VAV2: variants seen among roughly 807,000 people sequenced by gnomAD.
The protein encoded by VAV2 is vav guanine nucleotide exchange factor 2.
Under a neutral mutation model 132.5 loss-of-function variants are expected in VAV2, and 67 were observed. The observed-to-expected ratio is 0.51, with a 90% CI of 0.42 to 0.62. VAV2 has a LOEUF of 0.62. VAV2 is among the 20% of genes least tolerant of loss of function. The pLI, the probability that VAV2 is intolerant of heterozygous loss-of-function variation, is 0.00. For synonymous variants in VAV2, 492 were observed against 443.5 expected, an observed-to-expected ratio of 1.11 and a Z score of -1.37; for missense variants, 938 against 1,153.6, an observed-to-expected ratio of 0.81 and a Z score of 2.71.
At chr9:133,984,872 C>T (rs1842801998) in intron 1 of VAV2, among the ~76,000 whole-genome samples, 1 of 148,948 alleles carries the variant, frequency 6.7e-6, no homozygotes, top group South Asian at 2.1e-4. Context: ...TGTGCCACTG[C>T]ATTCCAGCCT....
intron 2 of VAV2, among the ~76,000 whole-genome samples, chr9:133,910,004 C>T (rs988531893): frequency 5.3e-5 from 8 of 152,144 alleles, no homozygotes; most frequent in African/African-American, 1.9e-4. Flanking sequence ...CCCCCACGAG[C>T]CACACGAGCT....
At chr9:133,929,408 G>A (rs759367459) in intron 2 of VAV2, among the ~76,000 whole-genome samples, 1 of 152,160 alleles carries the variant, frequency 6.6e-6, no homozygotes, top group African/African-American at 2.4e-5. Flanking sequence ...CAGGTGCTAG[G>A]GTGCTGGGGT....
rs1048529915 is a variant in VAV2 at position 133,926,818 on chromosome 9, T to C, written c.321+12285A>G. Among the ~76,000 whole-genome samples the C allele has an allele frequency of 6.6e-6, 1 of 152,182 alleles. No homozygotes were observed. The highest frequency in any genetic ancestry group is 6.5e-5 in the Admixed American group (1 of 15,286). On this transcript the variant is annotated intron_variant, in intron 2 of 29. Transcript: ENST00000371850. This position sits in a 1 kb window ranked among gnomAD's most constrained non-coding sequence, Gnocchi z 4.3. ...CAGGCTCCGATCATCTGAGGCTGCA[T>C]GTCCTGGCACCAGCTGAGCTAAGCA... is the stretch of plus-strand genomic sequence containing the variant.
At chr9:133,827,174 G>A (rs971112097) in intron 4 of VAV2, among the ~76,000 whole-genome samples, 3 of 150,898 alleles carry the variant, frequency 2.0e-5, no homozygotes, top group Non-Finnish European at 4.4e-5. Flanking sequence ...GCCACCTACC[G>A]CTGCGCCCAC....
At chr9:133,780,659 G>C (rs1833975670) in intron 20 of VAV2, 35 bp downstream of exon 20, 39 of 1,289,252 alleles carry the variant, frequency 3.0e-5, no homozygotes, top group Non-Finnish European at 3.8e-5. Flanking sequence ...TGGCGGGGGT[G>C]GGGCAGAGGG....
chr9:133,805,488 C>G (rs1258767218), intron 9 of VAV2, among the ~76,000 whole-genome samples: 5 of 150,552 alleles, frequency 3.3e-5, no homozygotes, highest in Non-Finnish European at 7.4e-5. Context: ...CATTGTCTAA[C>G]CCCCAGAAAC....
rs1327777370 is a variant in VAV2 at position 133,807,241 on chromosome 9, G to A, written c.735+17C>T. ...GGCCCCGAGCCTGGCATGAGCGATG[G>A]GGGCCGGGACCCTTACCTCCAGGTT... On this transcript the variant is annotated intron_variant, in intron 8 of 29. Transcript: ENST00000371850. The A allele has an allele frequency of 6.2e-7, 1 of 1,607,392 alleles. No individual in the cohort carries two copies. Among genetic ancestry groups the A allele is most frequent in the Non-Finnish European group, 8.5e-7 (1 of 1,177,852 alleles).
At position 133,807,819 on chromosome 9, in the gene VAV2, C is replaced by T. The variant is rs558026345; in HGVS notation, c.667-493G>A. ...TGCCGGTGGTGGGGCAGGCTGTGGA[C>T]GAGAGTCCTCCAGCTCCAGCCTCAG... On this transcript the variant is annotated intron_variant, in intron 7 of 29. Transcript: ENST00000371850. Among the ~76,000 whole-genome samples, 11 of 152,310 alleles carry T rather than the reference C, an allele frequency of 7.2e-5. No homozygotes were observed. The South Asian group carries it at 2.1e-3, about 29-fold the overall frequency.
chr9:133,849,232 G>A (rs148619234), intron 3 of VAV2, among the ~76,000 whole-genome samples: 1 of 152,284 alleles, frequency 6.6e-6, no homozygotes, highest in African/African-American at 2.4e-5. Flanking sequence ...CTTGGGACAG[G>A]GCACTGGGAA....
chr9:133,793,815 G>T (rs2073889), intron 12 of VAV2, among the ~76,000 whole-genome samples: 83,489 of 151,686 alleles, frequency 0.55, 23,377 homozygotes, highest in African/African-American at 0.65. Flanking sequence ...AGACGCTGCC[G>T]TACAAGGAGT....
rs1834310973 is a variant in VAV2 at position 133,788,242 on chromosome 9, CCAGCAT to C, written c.1407+106_1407+111del. 2.6e-6 allele frequency: 3 copies of C among 1,165,264 alleles called. No individual in the cohort carries two copies. Among genetic ancestry groups the C allele is most frequent in the South Asian group, 2.8e-5 (2 of 70,626 alleles). The allele number at this position is 1,165,264 out of a possible 1,614,324, so 72.2% of individuals were successfully genotyped here. ...GAGACGCCCACCCCAACCCACCCGG[CCAGCAT>C]CAGCGGCTGACTTCGAGTCCCCTTC... On this transcript the variant is annotated intron_variant, in intron 15 of 29. Coordinates refer to ENST00000371850, the MANE Select transcript of VAV2 (RefSeq NM_001134398.2). This position sits in a 1 kb window ranked among gnomAD's most constrained non-coding sequence, Gnocchi z 5.3.
At chr9:133,988,942 T>G (rs566453985) in intron 1 of VAV2, among the ~76,000 whole-genome samples, 1 of 151,952 alleles carries the variant, frequency 6.6e-6, no homozygotes, top group South Asian at 2.1e-4. Flanking sequence ...CCAGGCACGG[T>G]GGCTCAAGCC....
intron 4 of VAV2, among the ~76,000 whole-genome samples, chr9:133,818,320 C>T (rs887560223): frequency 6.7e-6 from 1 of 149,404 alleles, no homozygotes; most frequent in African/African-American, 2.5e-5. Flanking sequence ...GAGGTGAGAT[C>T]GCGCCACTGC....
intron 1 of VAV2, among the ~76,000 whole-genome samples, chr9:133,975,935 C>T (rs1389748059): frequency 6.6e-6 from 1 of 152,080 alleles, no homozygotes; most frequent in Non-Finnish European, 1.5e-5. Flanking sequence ...CCATGGCTCA[C>T]ACCTGTAATC....
chr9:133,845,105 C>T (rs920327175), intron 3 of VAV2, among the ~76,000 whole-genome samples: 5 of 152,246 alleles, frequency 3.3e-5, no homozygotes, highest in Admixed American at 6.5e-5. Flanking sequence ...CCCCCGCTCT[C>T]GCGTCTGGCA....
chr9:133,778,145 C>T (rs1468206082), intron 22 of VAV2, among the ~76,000 whole-genome samples: 1 of 151,474 alleles, frequency 6.6e-6, no homozygotes, highest in African/African-American at 2.4e-5. Flanking sequence ...GAACCCTTTA[C>T]AGCCCAGCCA....
In VAV2 at chr9:133,868,407, C is replaced by G. The variant is rs187670857; in HGVS notation, c.322-6975G>C. On this transcript the variant is annotated intron_variant, in intron 2 of 29. Transcript: ENST00000371850. Reference sequence around the variant, plus strand: ...TGGGTTCAAATCCGCCCTTCCCGGGCACCGTGCTGAGGCTCCCTGAGGCTC... The same window carrying G: ...TGGGTTCAAATCCGCCCTTCCCGGGGACCGTGCTGAGGCTCCCTGAGGCTC... Among the ~76,000 whole-genome samples, 236 of 152,348 alleles carry G rather than the reference C, an allele frequency of 1.5e-3. 1 individual carries two copies. The highest frequency in any genetic ancestry group is 2.1e-3 in the Non-Finnish European group (142 of 68,024).
At chr9:133,797,893 C>A in intron 9 of VAV2, 84 bp from the exon 10 acceptor site, 1 of 1,359,564 alleles carries the variant, frequency 7.4e-7, no homozygotes, top group Non-Finnish European at 1.0e-6. Context: ...TTTTTCCCAG[C>A]AGGCTGTAGG....
At chr9:133,967,290 A>G (rs1842173436) in intron 1 of VAV2, among the ~76,000 whole-genome samples, 1 of 152,212 alleles carries the variant, frequency 6.6e-6, no homozygotes, top group Non-Finnish European at 1.5e-5. Context: ...AAAGGGGAAC[A>G]CTAGTACACT....
Sources: gnomAD v4.1 joint callset for allele counts (sites outside exome capture counted in the v4.1 genomes callset) on GRCh38, gnomAD v4.1.1 for gene constraint, Gnocchi (gnomAD v3.1) non-coding constraint, MANE v1.5 for transcripts, NCBI Gene and HGNC (gene_info 2026-07-23, HGNC 2026-07-21) for gene names.